OCM2: variants seen among roughly 807,000 people sequenced by gnomAD.
OCM2 encodes the protein oncomodulin-2.
OCM2 carries 6 observed loss-of-function variants against 13.6 expected under a neutral mutation model. The ratio of observed to expected loss-of-function variants is 0.44; its 90% confidence interval spans 0.24 to 0.87. The LOEUF (loss-of-function observed/expected upper bound fraction) is 0.87. Ranked by LOEUF, OCM2 falls within the 40% of genes least tolerant of loss-of-function variation. OCM2 has a pLI of 0.22. For missense variants in OCM2, 118 were observed against 136.8 expected (o/e 0.86, Z 0.68); for synonymous variants, 40 against 50.7 (o/e 0.79, Z 0.90).
At chr7:97,987,235 G>A in intron 2 of OCM2, 79 bp from the exon 3 acceptor site, 1 of 1,539,556 alleles carries the variant, frequency 6.5e-7, no homozygotes, top group Non-Finnish European at 8.9e-7. Flanking sequence ...TTTCCTTTAA[G>A]CATATCATCT....
chr7:97,985,766 A>C (rs1007609165), intron 3 of OCM2, among the ~76,000 whole-genome samples: 1 of 152,202 alleles, frequency 6.6e-6, no homozygotes, highest in African/African-American at 2.4e-5. Context: ...CCATTGAACC[A>C]AACTCCAAAA....
rs368398916 is a variant in OCM2 at position 97,984,814 on chromosome 7, T to C, written c.*144A>G. The C allele has an allele frequency of 4.1e-6, 5 of 1,222,332 alleles. No individual in the cohort carries two copies. The South Asian group carries it at 4.2e-5, about 10-fold the overall frequency. 75.7% of individuals were successfully genotyped at this position (1,222,332 alleles called of 1,614,324 possible). On this transcript the variant is annotated 3_prime_UTR_variant, in exon 4 of 4. Transcript: ENST00000257627. ...ATGAGTGACTCTCTCGTGACCTCGC[T>C]AAAACAATGAGCAAACTGCAGAAGG...
chr7:97,990,060 C>T (rs746512905), exon 1 of OCM2: 50 of 1,611,302 alleles, frequency 3.1e-5, no homozygotes, highest in Non-Finnish European at 3.9e-5. Flanking sequence ...ATTCCTGGAG[C>T]GCTGCTGCAA....
intron 3 of OCM2, 31 bp from the exon 4 acceptor site, chr7:97,985,014 T>C (rs1296569323): frequency 1.2e-6 from 2 of 1,613,902 alleles, no homozygotes; most frequent in Admixed American, 1.7e-5. Flanking sequence ...ACAGGGTCAG[T>C]GGAGGTGGCT....
intron 3 of OCM2, among the ~76,000 whole-genome samples, chr7:97,985,249 T>A (rs191054334): frequency 7.9e-5 from 12 of 151,888 alleles, no homozygotes; most frequent in African/African-American, 2.9e-4. Flanking sequence ...TGAAACCCTG[T>A]CTCTACTAAA....
Position 97,987,297 on chromosome 7 carries a change from T to G in OCM2, c.195-141A>C, listed in dbSNP as rs1794682411. On this transcript the variant is annotated intron_variant, in intron 2 of 3. Transcript: ENST00000257627. ...AAGGTCTTAGCAAGCAAAGGTTTCC[T>G]TAAGCTGTAGAAACCAATGGTGGGC... 4.3e-6 allele frequency: 4 copies of G among 933,378 alleles called. No homozygotes were observed. The South Asian group carries it at 6.7e-5, about 16-fold the overall frequency. The allele number at this position is 933,378 out of a possible 1,614,324, so 57.8% of individuals were successfully genotyped here.
chr7:97,990,017 C>CG, intron 1 of OCM2, 27 bp downstream of exon 1: 4 of 629,610 alleles, frequency 6.4e-6, no homozygotes, highest in African/African-American at 1.9e-5. Context: ...GTGAGGAAAT[C>CG]CCACCCCCGC....
rs114716013 is a variant in OCM2, at chr7:97,988,395, C to T, written c.194+21G>A. ...CCACCCAGCAGTGCCAGGTACCAGA[C>T]AGCCTCAGGACAAAGCTTACTTAAG... On this transcript the variant is annotated intron_variant, in intron 2 of 3. Transcript: ENST00000257627. 2,048 of 1,613,900 alleles carry T rather than the reference C, an allele frequency of 1.3e-3. 19 individuals are homozygous for T. The African/African-American group carries it at 0.025, about 20-fold the overall frequency.
intron 3 of OCM2, among the ~76,000 whole-genome samples, chr7:97,986,361 T>C (rs1794671078): frequency 6.6e-6 from 1 of 151,712 alleles, no homozygotes; most frequent in Non-Finnish European, 1.5e-5. Flanking sequence ...CAGTTTTAAA[T>C]TTCAAATTAG....
At chr7:97,990,016 T>TGGGGGGGG in intron 1 of OCM2, 28 bp downstream of exon 1, 1 of 1,083,838 alleles carries the variant, frequency 9.2e-7, no homozygotes, top group Non-Finnish European at 1.4e-6. Context: ...TGTGAGGAAA[T>TGGGGGGGG]CCCACCCCCG....
chr7:97,985,308 A>C (rs1209643890), intron 3 of OCM2, among the ~76,000 whole-genome samples: 1 of 151,862 alleles, frequency 6.6e-6, no homozygotes, highest in Admixed American at 6.6e-5. Context: ...AGTCCCAGCT[A>C]CTTGGGAGGC....
At chr7:97,985,027 G>C (rs201487252) in intron 3 of OCM2, 44 bp from the exon 4 acceptor site, 10 of 1,613,852 alleles carry the variant, frequency 6.2e-6, no homozygotes, top group Middle Eastern at 1.7e-4. Flanking sequence ...AGGTGGCTTC[G>C]TTCTTTACAG....
intron 2 of OCM2, among the ~76,000 whole-genome samples, 182 bp from the exon 3 acceptor site, chr7:97,987,338 T>TTTTG (rs1196524754): frequency 1.8e-4 from 27 of 151,984 alleles, no homozygotes; most frequent in Admixed American, 7.9e-4. Flanking sequence ...ATTTTTAAGG[T>TTTTG]TTTGTTTGTT....
chr7:97,984,999 T>TGAGA lies in OCM2; in HGVS notation c.305-20_305-17dup. The TGAGA allele has an allele frequency of 6.2e-7, 1 of 1,613,926 alleles. No individual in the cohort carries two copies. Among genetic ancestry groups the TGAGA allele is most frequent in the Non-Finnish European group, 8.5e-7 (1 of 1,179,944 alleles). ...TCCTGGAATTCTAGAACAGAAGAGG[T>TGAGA]GAGAACAGGGTCAGTGGAGGTGGCT... On this transcript the variant is annotated splice_polypyrimidine_tract_variant and intron_variant, in intron 3 of 3. Coordinates refer to ENST00000257627, the Ensembl canonical transcript of OCM2.
At chr7:97,990,016 T>TGCCCCCCCCCC in intron 1 of OCM2, 28 bp downstream of exon 1, 2 of 1,083,840 alleles carry the variant, frequency 1.8e-6, no homozygotes, top group Non-Finnish European at 2.8e-6. Flanking sequence ...TGTGAGGAAA[T>TGCCCCCCCCCC]CCCACCCCCG....
intron 3 of OCM2, among the ~76,000 whole-genome samples, chr7:97,985,431 AAAAGAAAGAAAG>A (rs1554366491): frequency 3.0e-5 from 4 of 131,500 alleles, no homozygotes; most frequent in Non-Finnish European, 4.7e-5. Context: ...AAAAAAAAAA[AAAAGAAAGAAAG>A]AAAGAAAGAA....
intron 3 of OCM2, among the ~76,000 whole-genome samples, chr7:97,986,117 T>C (rs112672619): frequency 1.6e-4 from 25 of 152,294 alleles, no homozygotes; most frequent in African/African-American, 6.0e-4. Context: ...TTTACCATGT[T>C]GGTCAGTCTA....
rs770858783 is a variant in OCM2, at chr7:97,987,006, T to G, written c.304+41A>C. The G allele has an allele frequency of 4.3e-6, 7 of 1,609,238 alleles. No homozygotes were observed. The Admixed American group carries it at 1.0e-4, about 23-fold the overall frequency. The stretch of plus-strand genomic sequence containing the variant: ...AGCCCAACCCCTCACGGATGCTTCC[T>G]GAGCTAGAGTGTTTTATGCTACGTA... On this transcript the variant is annotated intron_variant, in intron 3 of 3. Transcript: ENST00000257627.
chr7:97,989,317 T>A (rs2116141591), intron 1 of OCM2, among the ~76,000 whole-genome samples: 1 of 152,130 alleles, frequency 6.6e-6, no homozygotes, highest in South Asian at 2.1e-4. Flanking sequence ...ATCTCTATAA[T>A]TTTAGTTATC....
Sources: gnomAD v4.1 joint callset for allele counts (sites outside exome capture counted in the v4.1 genomes callset) on GRCh38, gnomAD v4.1.1 for gene constraint, MANE v1.5 for transcripts, NCBI Gene and HGNC (gene_info 2026-07-23, HGNC 2026-07-21) for gene names.